Variants in VWA3A observed in about 807,000 individuals in gnomAD.
VWA3A encodes von Willebrand factor A domain containing 3A.
A neutral mutation model predicts 160.4 loss-of-function variants in VWA3A; 134 were observed. That is an observed-to-expected ratio of 0.84 (90% CI 0.73 to 0.96). The LOEUF is 0.96. Among genes scored for constraint, VWA3A ranks in the 40% least tolerant of loss-of-function variants. The probability of loss-of-function intolerance (pLI) is 0.00; values close to 1 mark genes in which losing one functional copy is unlikely to be tolerated. For missense variants in VWA3A, 1,310 were observed against 1,447.9 expected, an observed-to-expected ratio of 0.90 and a Z score of 1.55; for synonymous variants, 476 against 543.4, an observed-to-expected ratio of 0.88 and a Z score of 1.72.
At position 22,110,842 on chromosome 16, in the gene VWA3A, C is replaced by T. The variant is rs749671274; in HGVS notation, c.583-46C>T. 69 of 1,541,934 alleles carry T rather than the reference C, an allele frequency of 4.5e-5. 2 individuals are homozygous for T. The South Asian group carries it at 6.1e-4, about 14-fold the overall frequency. On this transcript the variant is annotated intron_variant, in intron 7 of 33. Coordinates refer to ENST00000389398, the MANE Select transcript of VWA3A (RefSeq NM_173615.5). ...GGCCAGAGAGGCAAAGCCAGGCTCC[C>T]GATTCCCCTGGCTGTGGGAGCCAGT...
intron 30 of VWA3A, 131 bp from the exon 31 acceptor site, chr16:22,152,380 C>A (rs924259604): frequency 8.2e-7 from 1 of 1,220,436 alleles, no homozygotes; most frequent in Non-Finnish European, 1.1e-6. Flanking sequence ...CTCCATGGGA[C>A]AAGCCACGGC....
At chr16:22,141,818 G>A in intron 24 of VWA3A, 126 bp downstream of exon 24, 1 of 728,124 alleles carries the variant, frequency 1.4e-6, no homozygotes, top group Non-Finnish European at 2.2e-6. Flanking sequence ...TGCCTCTGGA[G>A]CAAGCCGTAC....
chr16:22,092,979 A>G (rs1901387346), intron 1 of VWA3A, among the ~76,000 whole-genome samples: 1 of 152,008 alleles, frequency 6.6e-6, no homozygotes, highest in Admixed American at 6.6e-5. Context: ...TTTTCACCCA[A>G]TAATCAAGGT....
chr16:22,123,366 G>A (rs2045780996), intron 15 of VWA3A: 3 of 1,297,066 alleles, frequency 2.3e-6, no homozygotes, highest in Non-Finnish European at 3.2e-6. Context: ...AAAAAAAAAA[G>A]GCTTCTAATC....
At chr16:22,123,355 A>T in intron 15 of VWA3A, 190 bp downstream of exon 15, 2 of 1,157,480 alleles carry the variant, frequency 1.7e-6, no homozygotes, top group Non-Finnish European at 2.4e-6. Context: ...AATGCCTTTA[A>T]AAAAAAAAAA....
chr16:22,131,279 G>T lies in VWA3A; in HGVS notation c.1727G>T (p.Arg576Leu). The T allele has an allele frequency of 6.2e-7, 1 of 1,613,770 alleles. No individual in the cohort carries two copies. The highest frequency in any genetic ancestry group is 8.5e-7 in the Non-Finnish European group (1 of 1,179,832). The change falls in exon 18 of 34, where the codon CGG (arginine) becomes CTG (leucine). Residue 576 changes from arginine (R) to leucine (L), a missense_variant and splice_region_variant. By Grantham distance (102) the Arg-to-Leu change is moderately radical. Transcript: ENST00000389398. ...CACAACAATTTACAAAGTGCCTGGC[G>T]GTAGGTTATGGGCAGAGACTTCGTG... ...VSHNNLQSAW[R>L]WALNLRCRGS...
chr16:22,120,854 T>C, intron 12 of VWA3A, 114 bp from the exon 13 acceptor site: 1 of 1,316,990 alleles, frequency 7.6e-7, no homozygotes, highest in Non-Finnish European at 1.0e-6. Context: ...GCCTTTAATC[T>C]ACCAGGGAGT....
rs2045779675 is a variant in VWA3A at position 22,123,303 on chromosome 16, C to T, written c.1437+138C>T. ...AGGGACTGTGTGCTCCACCTACAGG[C>T]CTCCTGAAGCTTTGGCCATCTCCTC... On this transcript the variant is annotated intron_variant, in intron 15 of 33. Transcript: ENST00000389398. 12 of 1,096,372 alleles carry T rather than the reference C, an allele frequency of 1.1e-5. No homozygotes were observed. In the South Asian group the frequency reaches 1.7e-4, roughly 15 times the overall value. 67.9% of individuals were successfully genotyped at this position (1,096,372 alleles called of 1,614,324 possible).
chr16:22,149,442 A>C (rs988479948), intron 28 of VWA3A, among the ~76,000 whole-genome samples: 7 of 152,102 alleles, frequency 4.6e-5, no homozygotes, highest in African/African-American at 1.7e-4. Flanking sequence ...TGGGGGTCTC[A>C]CTATGTTGCC....
chr16:22,126,541 A>G (rs1362096082), intron 17 of VWA3A, among the ~76,000 whole-genome samples: 3 of 152,162 alleles, frequency 2.0e-5, no homozygotes, highest in Admixed American at 6.5e-5. Context: ...CTGCTTGATC[A>G]ACCAGGATAA....
chr16:22,097,003 T>C, intron 2 of VWA3A, 58 bp downstream of exon 2: 1 of 1,175,694 alleles, frequency 8.5e-7, no homozygotes, highest in Non-Finnish European at 1.2e-6. Context: ...TCTCGCACTG[T>C]CTCCCAGGCT....
intron 11 of VWA3A, among the ~76,000 whole-genome samples, chr16:22,118,593 G>A (rs1268559122): frequency 6.6e-6 from 1 of 152,178 alleles, no homozygotes; most frequent in Admixed American, 6.5e-5. Flanking sequence ...GGCTGAGGCA[G>A]GAGAATGGCG....
At chr16:22,134,471 G>A in intron 21 of VWA3A, 33 bp downstream of exon 21, 3 of 1,536,998 alleles carry the variant, frequency 2.0e-6, no homozygotes, top group South Asian at 1.2e-5. Flanking sequence ...TGACTGCACT[G>A]CCTTTTGTAT....
At chr16:22,102,867 A>C (rs1053008687) in intron 5 of VWA3A, among the ~76,000 whole-genome samples, 1 of 152,104 alleles carries the variant, frequency 6.6e-6, no homozygotes, top group Non-Finnish European at 1.5e-5. Flanking sequence ...TGAGTGAGCT[A>C]TGTGGAGAAA....
intron 12 of VWA3A, 144 bp downstream of exon 12, chr16:22,119,171 A>C (rs2045693557): frequency 1.5e-5 from 8 of 530,834 alleles, no homozygotes; most frequent in Non-Finnish European, 2.3e-5. Context: ...CCCACCCTCC[A>C]TTGCACCCCA....
At chr16:22,120,826 G>C in intron 12 of VWA3A, 142 bp from the exon 13 acceptor site, 1 of 1,010,786 alleles carries the variant, frequency 9.9e-7, no homozygotes, top group Non-Finnish European at 1.4e-6. Flanking sequence ...GGGGATGATG[G>C]AAGGGAAAGG....
chr16:22,108,101 C>T (rs1451451763), intron 6 of VWA3A, among the ~76,000 whole-genome samples: 1 of 152,110 alleles, frequency 6.6e-6, no homozygotes, highest in Admixed American at 6.6e-5. Flanking sequence ...ATCACCTTGA[C>T]ATGTGTGGTT....
chr16:22,132,891 C>A lies in VWA3A; in HGVS notation c.1873-9C>A, dbSNP rs773733278. 2.5e-6 allele frequency: 4 copies of A among 1,607,192 alleles called. No individual in the cohort carries two copies. The African/African-American group carries it at 4.0e-5, about 16-fold the overall frequency. On this transcript the variant is annotated splice_polypyrimidine_tract_variant and intron_variant, in intron 19 of 33. Transcript: ENST00000389398. ...CTGCTGGCCCCTCCTACCTTCTCTT[C>A]CCCACCAGCCTACACTCAGTGCCTA...
At chr16:22,124,501 A>T (rs1273749283) in intron 16 of VWA3A, among the ~76,000 whole-genome samples, 2 of 149,160 alleles carry the variant, frequency 1.3e-5, no homozygotes, top group Non-Finnish European at 3.0e-5. Context: ...TAACATTTAC[A>T]AAGTATTATA....
Sources: gnomAD v4.1 joint callset for allele counts (sites outside exome capture counted in the v4.1 genomes callset) on GRCh38, gnomAD v4.1.1 for gene constraint, MANE v1.5 for transcripts, NCBI Gene and HGNC (gene_info 2026-07-23, HGNC 2026-07-21) for gene names.